The following RNF150 variants were observed in gnomAD, a reference collection of about 807,000 sequenced individuals.
RNF150 encodes ring finger protein 150.
RNF150 carries 24 observed loss-of-function variants against 39.3 expected under a neutral mutation model. The ratio of observed to expected loss-of-function variants is 0.61; its 90% CI spans 0.44 to 0.86. The LOEUF (loss-of-function observed/expected upper bound fraction) is 0.86, where lower values mean the gene tolerates loss of function less well. RNF150 is among the 40% of genes least tolerant of loss of function. RNF150 has a pLI of 0.00. For synonymous variants in RNF150, 255 were observed against 227.3 expected (o/e 1.12, Z -1.10); for missense variants, 502 against 587.8 (o/e 0.85, Z 1.51).
intron 1 of RNF150, among the ~76,000 whole-genome samples, chr4:141,010,808 G>A (rs944804363): frequency 3.3e-5 from 5 of 152,046 alleles, no homozygotes; most frequent in Non-Finnish European, 7.4e-5. Flanking sequence ...GGCTGCCTGG[G>A]CCCTGACATT....
chr4:140,886,224 CATCT>C (rs1729573084), intron 6 of RNF150, among the ~76,000 whole-genome samples: 1 of 146,520 alleles, frequency 6.8e-6, no homozygotes, highest in Non-Finnish European at 1.5e-5. Context: ...AAAGTATGTA[CATCT>C]ATTTTGGAAA....
rs150878296 is a variant in RNF150 at position 141,165,350 on chromosome 4, G to A, written c.-6+47444C>T. ...TTGCACTCCCACGCAATAATAGTGG[G>A]AGACTTTAACACCCCACTGTCAATA... On this transcript the variant is annotated intron_variant, in intron 1 of 7. Coordinates refer to the RNF150 transcript ENST00000420921. 7.0e-3 allele frequency among the ~76,000 whole-genome samples: 1,063 copies of A among 152,210 alleles called. 13 individuals are homozygous for A. Among genetic ancestry groups the A allele is most frequent in the African/African-American group, 0.025 (1,018 of 41,500 alleles).
chr4:141,202,193 A>G (rs1434688186), intron 1 of RNF150, among the ~76,000 whole-genome samples: 1 of 152,134 alleles, frequency 6.6e-6, no homozygotes, highest in Non-Finnish European at 1.5e-5. Context: ...ATTATTTTTT[A>G]TTTGTTTGTT....
intron 1 of RNF150, among the ~76,000 whole-genome samples, chr4:141,051,218 G>GA (rs1203102995): frequency 1.3e-5 from 2 of 152,032 alleles, no homozygotes; most frequent in Non-Finnish European, 2.9e-5. Flanking sequence ...CATGGCCCAT[G>GA]AAAACATTTT....
chr4:140,903,560 G>C (rs1442020536), intron 6 of RNF150, among the ~76,000 whole-genome samples: 2 of 152,092 alleles, frequency 1.3e-5, no homozygotes, highest in Non-Finnish European at 2.9e-5. Flanking sequence ...CCTCACTGCC[G>C]AGATCCATGC....
At chr4:140,948,421 C>G (rs1732407568) in intron 3 of RNF150, among the ~76,000 whole-genome samples, 1 of 152,076 alleles carries the variant, frequency 6.6e-6, no homozygotes, top group Non-Finnish European at 1.5e-5. Flanking sequence ...AGTTCCAAAC[C>G]CATGTATTGT....
chr4:141,130,294 T>A (rs1051712193), intron 1 of RNF150, among the ~76,000 whole-genome samples: 2 of 152,228 alleles, frequency 1.3e-5, no homozygotes, highest in Non-Finnish European at 2.9e-5. Context: ...CTGACTGAAG[T>A]GAACAGAGTC....
intron 6 of RNF150, among the ~76,000 whole-genome samples, chr4:140,872,602 G>C (rs2111186735): frequency 6.6e-6 from 1 of 152,316 alleles, no homozygotes; most frequent in Non-Finnish European, 1.5e-5. Flanking sequence ...GCTAAAGGTG[G>C]AGATAAGGGG....
At chr4:140,902,478 C>T (rs1431220857) in intron 6 of RNF150, among the ~76,000 whole-genome samples, 1 of 152,170 alleles carries the variant, frequency 6.6e-6, no homozygotes, top group African/African-American at 2.4e-5. Context: ...GTAAAAAGCA[C>T]ATTTTTGCAG....
intron 1 of RNF150, among the ~76,000 whole-genome samples, chr4:141,051,514 C>A (rs1736776162): frequency 6.6e-6 from 1 of 152,184 alleles, no homozygotes; most frequent in African/African-American, 2.4e-5. Flanking sequence ...TTAGAAATTT[C>A]TTCTGCCAGA....
intron 5 of RNF150, among the ~76,000 whole-genome samples, chr4:140,921,132 T>G (rs935392605): frequency 1.3e-4 from 20 of 150,038 alleles, no homozygotes; most frequent in Non-Finnish European, 1.9e-4. Context: ...CATACATATG[T>G]AACTAACCCG....
chr4:140,933,236 G>A (rs939126771), intron 4 of RNF150, among the ~76,000 whole-genome samples: 3 of 152,168 alleles, frequency 2.0e-5, no homozygotes, highest in South Asian at 2.1e-4. Context: ...TATGGGATAC[G>A]GTAAGGCCTT....
chr4:141,149,475 G>T (rs1578767561), intron 1 of RNF150, among the ~76,000 whole-genome samples: 1 of 152,170 alleles, frequency 6.6e-6, no homozygotes, highest in South Asian at 2.1e-4. Flanking sequence ...TTATGAGTGA[G>T]AACATATGAT....
chr4:140,922,479 G>C (rs1296794268), intron 5 of RNF150, among the ~76,000 whole-genome samples: 7 of 151,804 alleles, frequency 4.6e-5, no homozygotes, highest in East Asian at 1.9e-4. Context: ...AGGATACAAA[G>C]AAATGGAAGA....
intron 2 of RNF150, among the ~76,000 whole-genome samples, chr4:140,964,227 T>C (rs1340557983): frequency 6.6e-6 from 1 of 152,126 alleles, no homozygotes; most frequent in Non-Finnish European, 1.5e-5. Flanking sequence ...TCTGGAGTTC[T>C]GCTGCTGGTT....
chr4:141,107,844 A>AAT (rs1316343659), intron 1 of RNF150, among the ~76,000 whole-genome samples: 8 of 152,310 alleles, frequency 5.3e-5, no homozygotes, highest in East Asian at 1.9e-4. Flanking sequence ...TTATAGCTAG[A>AAT]ATATATATAT....
intron 1 of RNF150, among the ~76,000 whole-genome samples, chr4:141,204,877 T>G (rs1728349848): frequency 6.6e-6 from 1 of 152,222 alleles, no homozygotes; most frequent in South Asian, 2.1e-4. Flanking sequence ...TAAGACTGTT[T>G]ATTATTTTAA....
intron 1 of RNF150, among the ~76,000 whole-genome samples, chr4:141,209,007 G>A (rs1367996136): frequency 1.3e-5 from 2 of 152,052 alleles, no homozygotes; most frequent in East Asian, 3.9e-4. Context: ...ATAATTAACT[G>A]GTTTTTTTCA....
chr4:141,032,035 T>C (rs757984044), intron 1 of RNF150, among the ~76,000 whole-genome samples: 8 of 151,756 alleles, frequency 5.3e-5, no homozygotes, highest in Non-Finnish European at 7.4e-5. Context: ...TATACACACA[T>C]ATATATATAA....
Sources: gnomAD v4.1 joint callset for allele counts (sites outside exome capture counted in the v4.1 genomes callset) on GRCh38, gnomAD v4.1.1 for gene constraint, MANE v1.5 for transcripts, NCBI Gene and HGNC (gene_info 2026-07-23, HGNC 2026-07-21) for gene names.